Variants in BRINP2 observed in about 807,000 individuals in gnomAD.
BRINP2 encodes BMP/retinoic acid-inducible neural-specific protein 2.
Under a neutral mutation model 69.2 loss-of-function variants are expected in BRINP2, and 21 were observed. The observed-to-expected ratio is 0.30, with a 90% confidence interval of 0.22 to 0.44. The LOEUF (loss-of-function observed/expected upper bound fraction) is 0.44, where lower values mean the gene tolerates loss of function less well. Among genes scored for constraint, BRINP2 ranks in the 20% least tolerant of loss-of-function variants. BRINP2 has a pLI of 1.00. For missense variants in BRINP2, 877 were observed against 986.0 expected (o/e 0.89, Z 1.48); for synonymous variants, 380 against 394.1 (o/e 0.96, Z 0.42).
chr1:177,256,373 G>A (rs1427377898), intron 3 of BRINP2: 1 of 985,282 alleles, frequency 1.0e-6, no homozygotes, highest in African/African-American at 1.7e-5. Flanking sequence ...TGCCAGCAGG[G>A]GGCACTCCCA....
At chr1:177,189,707 A>G (rs1648532277) in intron 1 of BRINP2, among the ~76,000 whole-genome samples, 2 of 152,196 alleles carry the variant, frequency 1.3e-5, no homozygotes, top group South Asian at 2.1e-4. Context: ...AGAGGCCTCC[A>G]CATTGAGATG....
At chr1:177,223,433 G>T (rs751364464) in intron 1 of BRINP2, among the ~76,000 whole-genome samples, 1 of 152,146 alleles carries the variant, frequency 6.6e-6, no homozygotes, top group South Asian at 2.1e-4. Flanking sequence ...GGCTGGGTCC[G>T]TCTTGTTCAT....
At chr1:177,252,128 G>A (rs1039383085) in intron 2 of BRINP2, among the ~76,000 whole-genome samples, 11 of 152,204 alleles carry the variant, frequency 7.2e-5, no homozygotes, top group African/African-American at 2.7e-4. Context: ...TTACCCTGCA[G>A]TGGGGTTTGG....
Position 177,174,676 on chromosome 1 carries a change from C to T in BRINP2, c.-77+2944C>T, listed in dbSNP as rs183085077. On this transcript the variant is annotated intron_variant, in intron 1 of 7. Transcript: ENST00000361539. ...GCTGACAGAAATAATAACTGCAGCA[C>T]TGTTGGGAAGTTTGGAAACTTCGAG... Among the ~76,000 whole-genome samples the T allele has an allele frequency of 3.8e-3, 583 of 152,284 alleles. 21 individuals carry two copies. The highest frequency in any genetic ancestry group is 0.034 in the Admixed American group (518 of 15,298).
chr1:177,275,075 G>A (rs1057173921), intron 5 of BRINP2: 1 of 454,592 alleles, frequency 2.2e-6, no homozygotes, highest in Admixed American at 2.3e-5. Flanking sequence ...TCACTTTCCT[G>A]GCACAAGGTC....
intron 3 of BRINP2, 144 bp from the exon 4 acceptor site, chr1:177,257,032 T>A (rs1191908703): frequency 6.5e-7 from 1 of 1,540,096 alleles, no homozygotes; most frequent in African/African-American, 1.4e-5. Context: ...CTTCTAAAGA[T>A]GGTAAGGGCT....
At chr1:177,241,971 T>C (rs1463196638) in intron 2 of BRINP2, among the ~76,000 whole-genome samples, 1 of 152,224 alleles carries the variant, frequency 6.6e-6, no homozygotes, top group Non-Finnish European at 1.5e-5. Context: ...TGAGTTTGAT[T>C]TTGTATACCT....
intron 1 of BRINP2, among the ~76,000 whole-genome samples, chr1:177,199,224 T>C (rs1648833675): frequency 6.6e-6 from 1 of 152,196 alleles, no homozygotes; most frequent in African/African-American, 2.4e-5. Context: ...GAGAGAGGAA[T>C]TGTAGGCCAA....
chr1:177,187,261 GA>G (rs1461943377), intron 1 of BRINP2, among the ~76,000 whole-genome samples: 4 of 152,098 alleles, frequency 2.6e-5, no homozygotes, highest in Admixed American at 1.3e-4. Flanking sequence ...ACACCTAACA[GA>G]AAATGCTTAC....
intron 7 of BRINP2, among the ~76,000 whole-genome samples, chr1:177,279,343 T>C (rs914489412): frequency 3.9e-5 from 6 of 152,222 alleles, no homozygotes; most frequent in Non-Finnish European, 7.3e-5. Flanking sequence ...TTGGAAAGAT[T>C]TAACAAACAG....
In BRINP2 at chr1:177,276,233, C is replaced by T. The variant is rs145109858; in HGVS notation, c.811C>T (p.Arg271Cys). ...QVLLPEYLRE[R>C]FVAAALSYIT... Reference sequence around the variant, plus strand: ...GCTGCTGCCTGAGTATCTGCGTGAGCGCTTTGTAGCTGCAGCACTCAGCTA... The same window carrying T: ...GCTGCTGCCTGAGTATCTGCGTGAGTGCTTTGTAGCTGCAGCACTCAGCTA... Residue 271 changes from arginine (R) to cysteine (C), a missense_variant, in exon 6 of 8, where the codon CGC becomes TGC. Arg to Cys is a radical substitution (Grantham distance 180). Coordinates refer to ENST00000361539, the MANE Select transcript of BRINP2 (RefSeq NM_021165.4). 1.7e-4 allele frequency: 267 copies of T among 1,614,072 alleles called. No individual in the cohort carries two copies. The highest frequency in any genetic ancestry group is 1.9e-4 in the Non-Finnish European group (228 of 1,179,990).
chr1:177,280,990 T>C lies in BRINP2; in HGVS notation c.1814T>C (p.Val605Ala). ...GSHSESWFMPVNEGSFPDWER... is the reference protein window; with the variant it reads ...GSHSESWFMPANEGSFPDWER... ...CACTCTGAGAGCTGGTTCATGCCTG[T>C]GAATGAGGGCAGCTTTCCTGACTGG... Residue 605 changes from valine to alanine, a missense_variant, in exon 8 of 8, where the codon GTG becomes GCG. Transcript: ENST00000361539. 2 of 1,614,138 alleles carry C rather than the reference T, an allele frequency of 1.2e-6. No homozygotes were observed. The highest frequency in any genetic ancestry group is 1.7e-6 in the Non-Finnish European group (2 of 1,180,016).
chr1:177,175,322 T>C (rs1008591822), intron 1 of BRINP2, among the ~76,000 whole-genome samples: 3 of 152,074 alleles, frequency 2.0e-5, no homozygotes, highest in Non-Finnish European at 2.9e-5. Context: ...TGCCTGAAGC[T>C]GTACCACAGG....
intron 1 of BRINP2, among the ~76,000 whole-genome samples, chr1:177,214,039 G>A (rs1649302315): frequency 1.3e-5 from 2 of 150,572 alleles, no homozygotes; most frequent in South Asian, 2.1e-4. Flanking sequence ...TTCTTCTATG[G>A]GGGGGCTCTT....
chr1:177,253,134 T>A (rs1438743455), intron 2 of BRINP2, among the ~76,000 whole-genome samples: 18 of 152,144 alleles, frequency 1.2e-4, no homozygotes, highest in Non-Finnish European at 1.5e-5. Context: ...GCTGTTTTCA[T>A]AATGACTGCA....
intron 4 of BRINP2, among the ~76,000 whole-genome samples, chr1:177,261,094 G>A (rs1044120294): frequency 6.6e-6 from 1 of 152,126 alleles, no homozygotes; most frequent in Non-Finnish European, 1.5e-5. Context: ...ACAAAGGACA[G>A]AACAGGTACA....
At chr1:177,254,670 G>T (rs1256101195) in intron 2 of BRINP2, among the ~76,000 whole-genome samples, 4 of 149,722 alleles carry the variant, frequency 2.7e-5, no homozygotes, top group Middle Eastern at 6.9e-3. Context: ...ATTCAGACTT[G>T]AGTGTCTAGC....
intron 2 of BRINP2, among the ~76,000 whole-genome samples, chr1:177,237,520 C>A (rs571616714): frequency 1.3e-5 from 2 of 152,214 alleles, no homozygotes; most frequent in Non-Finnish European, 2.9e-5. Context: ...TTTCCCATGT[C>A]TTTGGGGGCT....
chr1:177,272,809 G>A (rs1332326404), intron 4 of BRINP2, among the ~76,000 whole-genome samples: 3 of 152,158 alleles, frequency 2.0e-5, no homozygotes, highest in East Asian at 1.9e-4. Context: ...TGCATTTAAA[G>A]CTTCCCATTT....
Sources: allele counts gnomAD v4.1 joint callset (sites outside exome capture counted in the v4.1 genomes callset), GRCh38; gene constraint gnomAD v4.1.1; transcripts MANE v1.5; gene names NCBI Gene and HGNC (gene_info 2026-07-23, HGNC 2026-07-21).